The following TARS3 variants were observed in gnomAD, a reference collection of about 807,000 sequenced individuals.
TARS3 encodes the protein threonyl-tRNA synthetase 3.
In TARS3, 94 loss-of-function variants were observed where a neutral mutation model predicts 103.5. The observed-to-expected ratio is 0.91, with a 90% confidence interval of 0.77 to 1.08. The LOEUF (loss-of-function observed/expected upper bound fraction) is 1.08, where lower values mean the gene tolerates loss of function less well. Among genes scored for constraint, TARS3 ranks in the 50% least tolerant of loss-of-function variants. The pLI is 0.00. For synonymous variants in TARS3, 416 were observed against 355.4 expected (o/e 1.17, Z -1.92); for missense variants, 952 against 995.2 (o/e 0.96, Z 0.58).
At chr15:101,717,505 C>T (rs1205305853) in intron 3 of TARS3, among the ~76,000 whole-genome samples, 1 of 152,216 alleles carries the variant, frequency 6.6e-6, no homozygotes, top group Non-Finnish European at 1.5e-5. Context: ...TCCAGCCTTC[C>T]TTGCAGCTAC....
intron 7 of TARS3, 23 bp downstream of exon 7, chr15:101,705,660 G>A (rs775511938): frequency 1.3e-5 from 21 of 1,602,560 alleles, no homozygotes; most frequent in Middle Eastern, 1.7e-4. Flanking sequence ...ACTGAGCAGC[G>A]TTTACCATGT....
intron 15 of TARS3, among the ~76,000 whole-genome samples, chr15:101,662,790 C>T (rs1013890166): frequency 2.6e-5 from 4 of 152,136 alleles, no homozygotes; most frequent in Admixed American, 6.6e-5. Flanking sequence ...GATCCTTTCA[C>T]AGAGCCTGGG....
chr15:101,724,069 A>C, intron 1 of TARS3, 22 bp downstream of exon 1: 2 of 1,349,740 alleles, frequency 1.5e-6, no homozygotes, highest in South Asian at 1.8e-5. Flanking sequence ...CGTCCTCTCC[A>C]GTGTCCCCAC....
chr15:101,701,846 G>A (rs1207515733), intron 9 of TARS3, among the ~76,000 whole-genome samples: 2 of 152,086 alleles, frequency 1.3e-5, no homozygotes, highest in Non-Finnish European at 2.9e-5. Context: ...AGCGATCTCA[G>A]CTCACTGCAA....
chr15:101,720,966 G>A (rs1050465573), intron 3 of TARS3, among the ~76,000 whole-genome samples, 160 bp downstream of exon 3: 1 of 152,196 alleles, frequency 6.6e-6, no homozygotes, highest in Admixed American at 6.5e-5. Flanking sequence ...GGAACTGTGA[G>A]TCAATTAAAT....
intron 4 of TARS3, among the ~76,000 whole-genome samples, chr15:101,713,839 A>T (rs1156414531): frequency 6.6e-6 from 1 of 152,238 alleles, no homozygotes; most frequent in Non-Finnish European, 1.5e-5. Context: ...AGAGTTGTGA[A>T]TTCAGTCTAC....
intron 10 of TARS3, chr15:101,699,316 A>C: frequency 2.3e-6 from 1 of 443,710 alleles, no homozygotes; most frequent in South Asian, 1.6e-5. Flanking sequence ...GACCCTTCCC[A>C]ACCAGTGCCC....
intron 16 of TARS3, among the ~76,000 whole-genome samples, chr15:101,659,461 C>CT (rs1220902749): frequency 6.6e-6 from 1 of 152,186 alleles, no homozygotes; most frequent in Non-Finnish European, 1.5e-5. Flanking sequence ...GCCATCTTTA[C>CT]TTTTGGCTCC....
At position 101,670,888 on chromosome 15, in the gene TARS3, G is replaced by A. The variant is rs552690904; in HGVS notation, c.1967+598C>T. The stretch of plus-strand genomic sequence containing the variant: ...TGCTACGTGAAAGAAGCCAGTCTCA[G>A]AAGGCTCGATACTGCATGGCTCCGT... On this transcript the variant is annotated intron_variant, in intron 15 of 18. Transcript: ENST00000335968. Among the ~76,000 whole-genome samples the A allele has an allele frequency of 2.0e-5, 3 of 152,282 alleles. No individual in the cohort carries two copies. The East Asian group carries it at 5.8e-4, about 29-fold the overall frequency.
chr15:101,704,074 A>G, intron 7 of TARS3, 137 bp from the exon 8 acceptor site: 1 of 565,766 alleles, frequency 1.8e-6, no homozygotes, highest in Non-Finnish European at 3.1e-6. Context: ...TTTAGGGTGA[A>G]GGAGAGAGGT....
At position 101,721,142 on chromosome 15, in the gene TARS3, C is replaced by T; in HGVS notation, c.550G>A (p.Val184Met). The T allele has an allele frequency of 6.3e-7, 1 of 1,595,298 alleles. No homozygotes were observed. The highest frequency in any genetic ancestry group is 2.3e-5 in the East Asian group (1 of 44,318). ...GEVWKTTPYQ[V>M]AAEISQELAE... ...GCGGTTTACCTAATTTCAGCAGCCA[C>T]TTGGTAAGGCGTTGTTTTCCAGACT... Residue 184 changes from valine to methionine, a missense_variant, in exon 3 of 19, where the codon GTG becomes ATG. Coordinates refer to ENST00000335968, the MANE Select transcript of TARS3 (RefSeq NM_152334.3).
chr15:101,680,413 G>A (rs1214851870), intron 12 of TARS3, among the ~76,000 whole-genome samples: 3 of 152,180 alleles, frequency 2.0e-5, no homozygotes, highest in Admixed American at 1.3e-4. Flanking sequence ...TGCCAAGTCT[G>A]GAATATATGT....
chr15:101,684,368 TAAAA>T lies in TARS3; in HGVS notation c.1488-135_1488-132del, dbSNP rs549530214. On this transcript the variant is annotated intron_variant, in intron 11 of 18. Coordinates refer to ENST00000335968, the MANE Select transcript of TARS3 (RefSeq NM_152334.3). Reference sequence around the variant, plus strand: ...TATTCTAGTTCTTAGATCACCAGGTTAAAAAAAAAATTCTTCCACAAATTAGTGA... The same window carrying T: ...TATTCTAGTTCTTAGATCACCAGGTTAAAAAATTCTTCCACAAATTAGTGA... The T allele has an allele frequency of 1.9e-5, 16 of 851,262 alleles. No individual in the cohort carries two copies. The South Asian group carries it at 3.4e-4, about 18-fold the overall frequency. 52.7% of individuals were successfully genotyped at this position (851,262 alleles called of 1,614,324 possible).
chr15:101,666,631 A>G (rs1897591970), intron 15 of TARS3, among the ~76,000 whole-genome samples: 1 of 152,164 alleles, frequency 6.6e-6, no homozygotes, highest in Non-Finnish European at 1.5e-5. Context: ...ACAAGCAAAG[A>G]AGGTTATTTT....
chr15:101,677,929 G>A (rs1898098976), intron 12 of TARS3, among the ~76,000 whole-genome samples: 1 of 151,874 alleles, frequency 6.6e-6, no homozygotes, highest in Non-Finnish European at 1.5e-5. Flanking sequence ...ACCATGCCTG[G>A]CCTTTCTCCA....
intron 16 of TARS3, among the ~76,000 whole-genome samples, chr15:101,659,781 G>A (rs1350252741): frequency 1.3e-5 from 2 of 152,098 alleles, no homozygotes; most frequent in African/African-American, 4.8e-5. Flanking sequence ...CATACTTTTG[G>A]CTTAACTGTA....
chr15:101,671,143 C>A lies in TARS3; in HGVS notation c.1967+343G>T, dbSNP rs575023311. ...TACAGTGATAAAATTGCCTTTTTTC[C>A]CCTGCTTTTTCAAGAAAACATCTCA... On this transcript the variant is annotated intron_variant, in intron 15 of 18. Transcript: ENST00000335968. Among the ~76,000 whole-genome samples the A allele has an allele frequency of 3.7e-4, 56 of 151,962 alleles. 1 individual carries two copies. Among genetic ancestry groups the A allele is most frequent in the African/African-American group, 1.3e-3 (55 of 41,446 alleles).
intron 3 of TARS3, among the ~76,000 whole-genome samples, chr15:101,718,992 A>C (rs942283355): frequency 8.5e-5 from 13 of 152,220 alleles, no homozygotes; most frequent in African/African-American, 2.9e-4. Flanking sequence ...AAACTCGTGC[A>C]CTTCAGATGT....
rs188338191 is a variant in TARS3, at chr15:101,667,914, T to C, written c.1967+3572A>G. ...TGGCCCTGGAGATGGTTCTTTTAACTTCATGAACCAACCTCTTGCTAGTTT... is the reference window on the plus strand; with the variant it reads ...TGGCCCTGGAGATGGTTCTTTTAACCTCATGAACCAACCTCTTGCTAGTTT... On this transcript the variant is annotated intron_variant, in intron 15 of 18. Transcript: ENST00000335968. Among the ~76,000 whole-genome samples, 739 of 152,254 alleles carry C rather than the reference T, an allele frequency of 4.9e-3. 4 individuals are homozygous for C. Among genetic ancestry groups the C allele is most frequent in the Middle Eastern group, 0.01 (3 of 294 alleles).
Sources: allele counts gnomAD v4.1 joint callset (sites outside exome capture counted in the v4.1 genomes callset), GRCh38; gene constraint gnomAD v4.1.1; transcripts MANE v1.5; gene names NCBI Gene and HGNC (gene_info 2026-07-23, HGNC 2026-07-21).